STAP1: variants seen among roughly 807,000 people sequenced by gnomAD.
STAP1 encodes signal-transducing adaptor protein 1.
A neutral mutation model predicts 37.8 loss-of-function variants in STAP1; 30 were observed. The ratio of observed to expected loss-of-function variants is 0.79; its 90% CI spans 0.59 to 1.08. The LOEUF (loss-of-function observed/expected upper bound fraction) is 1.08. Ranked by LOEUF, STAP1 falls within the 50% of genes least tolerant of loss-of-function variation. The pLI, the probability that STAP1 is intolerant of heterozygous loss-of-function variation, is 0.00. For missense variants in STAP1, 357 were observed against 349.4 expected, an observed-to-expected ratio of 1.02 and a Z score of -0.17; for synonymous variants, 130 against 116.0, an observed-to-expected ratio of 1.12 and a Z score of -0.78.
At chr4:67,590,805 G>A in intron 6 of STAP1, 79 bp from the exon 7 acceptor site, 1 of 797,330 alleles carries the variant, frequency 1.3e-6, no homozygotes, top group East Asian at 2.8e-5. Flanking sequence ...GATTATACAG[G>A]TGATATTTTA....
intron 1 of STAP1, among the ~76,000 whole-genome samples, chr4:67,565,232 A>G (rs1460508070): frequency 6.6e-6 from 1 of 152,232 alleles, no homozygotes; most frequent in Non-Finnish European, 1.5e-5. Flanking sequence ...AGTCACTCCC[A>G]TATGGTTTTT....
Position 67,576,610 on chromosome 4 carries a change from A to G in STAP1, c.307-593A>G, listed in dbSNP as rs80282208. Among the ~76,000 whole-genome samples the G allele has an allele frequency of 1.0e-3, 159 of 152,308 alleles. 2 individuals are homozygous for G. In the East Asian group the frequency reaches 0.027, roughly 26 times the overall value. Reference sequence around the variant, plus strand: ...CAGTCTTGACCTCCCAGGCTCAAGCAACTTTCTCACCTTAGCCTCTCAAGT... The same window carrying G: ...CAGTCTTGACCTCCCAGGCTCAAGCGACTTTCTCACCTTAGCCTCTCAAGT... On this transcript the variant is annotated intron_variant, in intron 3 of 8. Transcript: ENST00000265404.
chr4:67,575,395 A>G lies in STAP1; in HGVS notation c.203A>G (p.Lys68Arg), dbSNP rs781260228. ...CCTTTATCTTTGCAGTATGTTGACAAATTAGACATAGTAGACCTCACATGC... is the reference window on the plus strand; with the variant it reads ...CCTTTATCTTTGCAGTATGTTGACAGATTAGACATAGTAGACCTCACATGC... ...TDKKSIIYVD[K>R]LDIVDLTCLT... Residue 68 changes from lysine (K) to arginine (R), a missense_variant, in exon 3 of 9, where the codon AAA (lysine) becomes AGA (arginine). By Grantham distance (26) the Lys-to-Arg change is conservative (BLOSUM62 2). Transcript: ENST00000265404. 1.3e-5 allele frequency: 20 copies of G among 1,587,434 alleles called. No homozygotes were observed. The highest frequency in any genetic ancestry group is 2.3e-5 in the East Asian group (1 of 44,240).
intron 3 of STAP1, 97 bp from the exon 4 acceptor site, chr4:67,577,106 G>T (rs557367846): frequency 1.8e-6 from 2 of 1,086,112 alleles, no homozygotes; most frequent in South Asian, 1.8e-5. Context: ...AAAAGAAAAT[G>T]AATTATTTTT....
chr4:67,568,795 A>G (rs1295236349), intron 1 of STAP1, among the ~76,000 whole-genome samples: 1 of 152,194 alleles, frequency 6.6e-6, no homozygotes, highest in Non-Finnish European at 1.5e-5. Flanking sequence ...ACATGTATTA[A>G]TTCATTAAAT....
At chr4:67,601,429 A>G (rs145936993) in intron 8 of STAP1, among the ~76,000 whole-genome samples, 1 of 152,274 alleles carries the variant, frequency 6.6e-6, no homozygotes, top group East Asian at 1.9e-4. Context: ...TGTTTTGTCT[A>G]TTACCACCAG....
chr4:67,560,181 A>G (rs755171148), intron 1 of STAP1, among the ~76,000 whole-genome samples: 1 of 152,084 alleles, frequency 6.6e-6, no homozygotes, highest in Non-Finnish European at 1.5e-5. Context: ...ATGCTTAAAG[A>G]AGACATGTCA....
chr4:67,596,469 G>A (rs1191640645), intron 8 of STAP1, among the ~76,000 whole-genome samples: 1 of 152,202 alleles, frequency 6.6e-6, no homozygotes, highest in African/African-American at 2.4e-5. Flanking sequence ...TTGGAACTGG[G>A]CAACGGGCAG....
intron 2 of STAP1, among the ~76,000 whole-genome samples, chr4:67,573,830 T>C (rs1004098224): frequency 7.2e-5 from 11 of 152,116 alleles, no homozygotes; most frequent in Admixed American, 7.2e-4. Context: ...AAATAAGTCA[T>C]ATTGGCTACA....
intron 1 of STAP1, among the ~76,000 whole-genome samples, chr4:67,562,600 C>CT (rs1727374039): frequency 1.6e-5 from 1 of 61,146 alleles, no homozygotes; most frequent in Non-Finnish European, 4.3e-5. Flanking sequence ...CCTGTCTCTA[C>CT]TAAAAAAAAA....
chr4:67,569,608 A>C (rs1727553331), intron 1 of STAP1, among the ~76,000 whole-genome samples: 1 of 151,766 alleles, frequency 6.6e-6, no homozygotes, highest in Admixed American at 6.6e-5. Context: ...AAAATTCTTT[A>C]TTTTATTTTT....
intron 8 of STAP1, among the ~76,000 whole-genome samples, chr4:67,601,925 A>C (rs902154141): frequency 6.6e-6 from 1 of 152,076 alleles, no homozygotes; most frequent in African/African-American, 2.4e-5. Flanking sequence ...CCTTTGAATA[A>C]ACTTTCTACA....
chr4:67,600,755 T>C (rs1728321196), intron 8 of STAP1, among the ~76,000 whole-genome samples: 1 of 152,180 alleles, frequency 6.6e-6, no homozygotes, highest in Admixed American at 6.5e-5. Context: ...CCTTTCTTTT[T>C]ATAATTTTTG....
chr4:67,604,272 A>G lies in STAP1; in HGVS notation c.827-2024A>G, dbSNP rs78216098. 6.4e-3 allele frequency among the ~76,000 whole-genome samples: 974 copies of G among 152,310 alleles called. 6 individuals carry two copies. Among genetic ancestry groups the G allele is most frequent in the Non-Finnish European group, 0.011 (754 of 68,024 alleles). On this transcript the variant is annotated intron_variant, in intron 8 of 8. Coordinates refer to ENST00000265404, the MANE Select transcript of STAP1 (RefSeq NM_012108.4). ...GGGGAAGAGACCAGGTTGGCAATTCAAGACTATTTTTCCTACCCTCTTCAG... is the reference window on the plus strand; with the variant it reads ...GGGGAAGAGACCAGGTTGGCAATTCGAGACTATTTTTCCTACCCTCTTCAG...
At chr4:67,601,865 G>GTACTTGAA (rs1231760670) in intron 8 of STAP1, among the ~76,000 whole-genome samples, 9 of 152,166 alleles carry the variant, frequency 5.9e-5, no homozygotes, top group African/African-American at 1.7e-4. Flanking sequence ...ATAACCTTTT[G>GTACTTGAA]TACTTGAATA....
rs375014714 is a variant in STAP1, at chr4:67,558,806, G to T, written c.-4G>T. ...AAACCAAACCACACACCAAAGAGAGGGGTATGATGGCTAAGAAGCCCCCAA... is the reference window on the plus strand; with the variant it reads ...AAACCAAACCACACACCAAAGAGAGTGGTATGATGGCTAAGAAGCCCCCAA... On this transcript the variant is annotated 5_prime_UTR_variant, in exon 1 of 9. Coordinates refer to ENST00000265404, the MANE Select transcript of STAP1 (RefSeq NM_012108.4). The T allele has an allele frequency of 3.1e-6, 5 of 1,611,270 alleles. No homozygotes were observed. The highest frequency in any genetic ancestry group is 4.2e-6 in the Non-Finnish European group (5 of 1,178,890).
intron 8 of STAP1, 59 bp from the exon 9 acceptor site, chr4:67,606,237 A>T (rs771263840): frequency 7.0e-7 from 1 of 1,435,496 alleles, no homozygotes; most frequent in Non-Finnish European, 9.6e-7. Flanking sequence ...GAAAATAAAG[A>T]ACCACCGTTT....
intron 4 of STAP1, among the ~76,000 whole-genome samples, chr4:67,580,208 A>G (rs1406331885): frequency 1.3e-5 from 2 of 152,220 alleles, no homozygotes; most frequent in Non-Finnish European, 2.9e-5. Flanking sequence ...TAAAACATGT[A>G]CAATGCTTGA....
chr4:67,590,745 A>ATTTTTTTTTTTTTTTTTTTTTTTTTTTT (rs66493617), intron 6 of STAP1, 139 bp from the exon 7 acceptor site: 1 of 200,246 alleles, frequency 5.0e-6, no homozygotes, highest in Non-Finnish European at 9.2e-6. Flanking sequence ...ACCACGAAGG[A>ATTTTTTTTTTTTTTTTTTTTTTTTTTTT]TTTTTTTTTT....
Sources: gnomAD v4.1 joint callset for allele counts (sites outside exome capture counted in the v4.1 genomes callset) on GRCh38, gnomAD v4.1.1 for gene constraint, MANE v1.5 for transcripts, NCBI Gene and HGNC (gene_info 2026-07-23, HGNC 2026-07-21) for gene names.